The following CAMTA1 variants were observed in gnomAD, a reference collection of about 807,000 sequenced individuals.
CAMTA1 encodes calmodulin-binding transcription activator 1.
CAMTA1 carries 27 observed loss-of-function variants against 170.9 expected under a neutral mutation model. That is an observed-to-expected ratio of 0.16 (90% CI 0.12 to 0.22). CAMTA1 has a LOEUF of 0.22. CAMTA1 is among the 10% of genes least tolerant of loss of function. CAMTA1 has a pLI of 1.00. For synonymous variants in CAMTA1, 833 were observed against 891.5 expected, an observed-to-expected ratio of 0.93 and a Z score of 1.17; for missense variants, 1,619 against 2,217.2, an observed-to-expected ratio of 0.73 and a Z score of 5.42.
At chr1:6,830,497 C>T (rs563722126) in intron 3 of CAMTA1, among the ~76,000 whole-genome samples, 3 of 152,140 alleles carry the variant, frequency 2.0e-5, no homozygotes, top group African/African-American at 7.2e-5. Context: ...GCATGCGCCA[C>T]CATGCCTGGC....
chr1:7,420,965 G>A (rs78089603), intron 5 of CAMTA1, among the ~76,000 whole-genome samples: 1 of 152,060 alleles, frequency 6.6e-6, no homozygotes, highest in African/African-American at 2.4e-5. Context: ...ACACACCAGT[G>A]GGGGCTTCTC....
intron 11 of CAMTA1, among the ~76,000 whole-genome samples, chr1:7,687,479 T>C (rs1024772925): frequency 1.3e-5 from 2 of 152,130 alleles, no homozygotes; most frequent in Admixed American, 1.3e-4. Flanking sequence ...CACGGCACCA[T>C]ACCTGTCTCT....
chr1:6,951,015 G>A (rs1379253553), intron 3 of CAMTA1, among the ~76,000 whole-genome samples: 1 of 152,192 alleles, frequency 6.6e-6, no homozygotes, highest in Non-Finnish European at 1.5e-5. Context: ...GAAGGAGGAG[G>A]CTGCACAGTT....
At chr1:7,121,293 T>G (rs1483569222) in intron 4 of CAMTA1, among the ~76,000 whole-genome samples, 1 of 152,166 alleles carries the variant, frequency 6.6e-6, no homozygotes, top group African/African-American at 2.4e-5. Flanking sequence ...AAAGGCCCCG[T>G]GGGATCCCAG....
At chr1:7,751,961 T>A (rs79585887) in intron 20 of CAMTA1, among the ~76,000 whole-genome samples, 1 of 152,200 alleles carries the variant, frequency 6.6e-6, no homozygotes, top group Non-Finnish European at 1.5e-5. Flanking sequence ...ATTGTAGAAT[T>A]ACTGCATGTG....
Position 7,755,881 on chromosome 1 carries a change from T to C in CAMTA1, c.4989+213T>C, listed in dbSNP as rs553387314. 5.3e-5 allele frequency among the ~76,000 whole-genome samples: 8 copies of C among 152,322 alleles called. No individual in the cohort carries two copies. In the East Asian group the frequency reaches 9.6e-4, roughly 18 times the overall value. ...CACATACATTAGATGTACAAATGCA[T>C]GAGTGAGTAGAAGGGAGGGCCGTTC... is the stretch of plus-strand genomic sequence containing the variant. On this transcript the variant is annotated intron_variant, in intron 22 of 22. Transcript: ENST00000303635.
intron 6 of CAMTA1, among the ~76,000 whole-genome samples, chr1:7,498,965 TTGTG>T (rs1310726965): frequency 1.6e-5 from 2 of 123,906 alleles, no homozygotes; most frequent in Admixed American, 1.7e-4. Context: ...GTAGAGAGGA[TTGTG>T]TGAGTCTGGT....
chr1:7,178,826 A>T (rs56261775), intron 4 of CAMTA1, among the ~76,000 whole-genome samples: 7,237 of 152,296 alleles, frequency 0.048, 232 homozygotes, highest in Non-Finnish European at 0.07. Flanking sequence ...ACATGGTACC[A>T]AGAAGCCACA....
chr1:7,310,678 T>TTCTTTCTCTCTCTCTCTC (rs1676483647), intron 5 of CAMTA1, among the ~76,000 whole-genome samples: 1 of 34,610 alleles, frequency 2.9e-5, no homozygotes. Flanking sequence ...TTTCCTTTCT[T>TTCTTTCTCTCTCTCTCTC]TCTCTCTCTC....
chr1:7,604,264 A>C (rs1296639816), intron 6 of CAMTA1, among the ~76,000 whole-genome samples: 1 of 152,202 alleles, frequency 6.6e-6, no homozygotes, highest in African/African-American at 2.4e-5. Context: ...CCTGGATAAT[A>C]TCCTGCAGTG....
chr1:7,753,442 G>A (rs1355766239), intron 21 of CAMTA1, among the ~76,000 whole-genome samples: 1 of 152,212 alleles, frequency 6.6e-6, no homozygotes, highest in African/African-American at 2.4e-5. Flanking sequence ...AAACATTAAA[G>A]CAGACTCTCT....
At chr1:6,976,462 T>G (rs1382076226) in intron 3 of CAMTA1, among the ~76,000 whole-genome samples, 1 of 152,198 alleles carries the variant, frequency 6.6e-6, no homozygotes, top group Non-Finnish European at 1.5e-5. Flanking sequence ...AGTTGGCTGC[T>G]GGACTGTGCA....
chr1:7,545,654 C>T (rs1485497815), intron 6 of CAMTA1, among the ~76,000 whole-genome samples: 1 of 152,096 alleles, frequency 6.6e-6, no homozygotes, highest in Non-Finnish European at 1.5e-5. Context: ...GTCTGGTGGC[C>T]CAGGATTTCC....
In CAMTA1 at chr1:7,249,248, G is replaced by T. The variant is rs1666278744; in HGVS notation, c.303-243G>T. On this transcript the variant is annotated intron_variant, in intron 4 of 22. Transcript: ENST00000303635. The surrounding 1 kb of genome is among the most constrained non-coding windows in gnomAD (Gnocchi z 4.4). ...CTGATTACTTTGTGGTTATTACTGA[G>T]GGGATGTTTTTTAAGCCTATCATTG... Among the ~76,000 whole-genome samples the T allele has an allele frequency of 6.6e-6, 1 of 152,236 alleles. No individual in the cohort carries two copies. Among genetic ancestry groups the T allele is most frequent in the South Asian group, 2.1e-4 (1 of 4,824 alleles).
intron 4 of CAMTA1, among the ~76,000 whole-genome samples, chr1:7,194,241 G>A (rs1655099182): frequency 6.6e-6 from 1 of 151,980 alleles, no homozygotes; most frequent in African/African-American, 2.4e-5. Flanking sequence ...CTACTTTTTT[G>A]GTACGTTGGT....
At chr1:7,766,356 C>T in intron 22 of CAMTA1, 103 bp from the exon 23 acceptor site, 3 of 1,040,924 alleles carry the variant, frequency 2.9e-6, no homozygotes, top group Non-Finnish European at 4.3e-6. Flanking sequence ...CGGTTTTAGT[C>T]TTGGCTTTTC....
At chr1:7,331,300 G>A (rs916944700) in intron 5 of CAMTA1, among the ~76,000 whole-genome samples, 8 of 152,104 alleles carry the variant, frequency 5.3e-5, no homozygotes, top group African/African-American at 1.4e-4. Flanking sequence ...AGAGGAGAGC[G>A]AGCCTATGGG....
rs769046852 is a variant in CAMTA1, at chr1:7,248,009, G to A, written c.303-1482G>A. Among the ~76,000 whole-genome samples the A allele has an allele frequency of 1.3e-5, 2 of 152,208 alleles. No individual in the cohort carries two copies. Among genetic ancestry groups the A allele is most frequent in the Non-Finnish European group, 2.9e-5 (2 of 68,030 alleles). On this transcript the variant is annotated intron_variant, in intron 4 of 22. Transcript: ENST00000303635. The surrounding 1 kb of genome is among the most constrained non-coding windows in gnomAD (Gnocchi z 4.0). ...CACAAACCAATTGTGCCCTGATCGG[G>A]AAACAATGAAGTATCGGGAGTCGCT... is the stretch of plus-strand genomic sequence containing the variant.
intron 4 of CAMTA1, among the ~76,000 whole-genome samples, chr1:7,167,894 A>T (rs1288062103): frequency 6.6e-6 from 1 of 152,018 alleles, no homozygotes; most frequent in Non-Finnish European, 1.5e-5. Context: ...GACTACAGGC[A>T]TGTGCCACCA....
Sources: gnomAD v4.1 joint callset for allele counts (sites outside exome capture counted in the v4.1 genomes callset) on GRCh38, gnomAD v4.1.1 for gene constraint, Gnocchi (gnomAD v3.1) non-coding constraint, MANE v1.5 for transcripts, NCBI Gene and HGNC (gene_info 2026-07-23, HGNC 2026-07-21) for gene names.